Variants in FOCAD observed in about 807,000 individuals in gnomAD.
The protein encoded by FOCAD is KIAA1797.
FOCAD carries 198 observed loss-of-function variants against 225.6 expected under a neutral mutation model. That is an observed-to-expected ratio of 0.88 (90% CI 0.78 to 0.99). FOCAD has a LOEUF of 0.99. Ranked by LOEUF, FOCAD falls within the 50% of genes least tolerant of loss-of-function variation. The pLI is 0.00. For missense variants in FOCAD, 2,713 were observed against 2,123.6 expected (o/e 1.28, Z -5.46); for synonymous variants, 897 against 755.0 (o/e 1.19, Z -3.08).
intron 2 of FOCAD, among the ~76,000 whole-genome samples, chr9:20,671,114 GATATA>G (rs560766322): frequency 6.3e-4 from 95 of 151,996 alleles, no homozygotes; most frequent in Middle Eastern, 3.4e-3. Flanking sequence ...TTATATCATG[GATATA>G]ATATAATATA....
chr9:20,824,303 A>G (rs1174300046), intron 15 of FOCAD, among the ~76,000 whole-genome samples: 1 of 152,074 alleles, frequency 6.6e-6, no homozygotes, highest in African/African-American at 2.4e-5. Flanking sequence ...TGAGAGAAGA[A>G]AGAATTCTAA....
At chr9:20,827,866 G>T (rs568393178) in intron 15 of FOCAD, among the ~76,000 whole-genome samples, 1 of 152,168 alleles carries the variant, frequency 6.6e-6, no homozygotes, top group Admixed American at 6.5e-5. Flanking sequence ...TTTTGTTAAA[G>T]ATTTTTATTA....
At chr9:20,663,318 C>T (rs1821791614) in intron 2 of FOCAD, among the ~76,000 whole-genome samples, 1 of 152,100 alleles carries the variant, frequency 6.6e-6, no homozygotes, top group Non-Finnish European at 1.5e-5. Flanking sequence ...TGATCATGCA[C>T]TGCACTCCAG....
At chr9:20,890,880 A>G (rs1831554079) in intron 21 of FOCAD, among the ~76,000 whole-genome samples, 2 of 151,612 alleles carry the variant, frequency 1.3e-5, no homozygotes, top group Non-Finnish European at 2.9e-5. Flanking sequence ...TAATCTACCT[A>G]TCTGTGTATC....
intron 5 of FOCAD, among the ~76,000 whole-genome samples, chr9:20,751,239 C>A (rs2131739558): frequency 6.7e-6 from 1 of 149,920 alleles, no homozygotes; most frequent in East Asian, 2.0e-4. Context: ...ATACCTGTGC[C>A]ATGCTGGTGC....
Position 20,720,320 on chromosome 9 carries a change from T to G in FOCAD, c.133-60T>G, listed in dbSNP as rs984486050. The G allele has an allele frequency of 2.8e-5, 31 of 1,101,558 alleles. 1 individual carries two copies. The highest frequency in any genetic ancestry group is 6.7e-5 in the South Asian group (4 of 59,834). 68.2% of individuals were successfully genotyped at this position (1,101,558 alleles called of 1,614,324 possible). A position where few individuals can be genotyped will look rare whatever the true frequency, so the allele number is the denominator to read the frequency against. ...TTACTCATTGATGAATGACCAAAGG[T>G]GTGTGTGTGTGTGTTTGCTGCTCAT... is the stretch of plus-strand genomic sequence containing the variant. On this transcript the variant is annotated intron_variant, in intron 3 of 43. Coordinates refer to ENST00000338382, the MANE Select transcript of FOCAD (RefSeq NM_001375567.1).
intron 5 of FOCAD, among the ~76,000 whole-genome samples, chr9:20,745,114 A>ATT (rs35957143): frequency 4.1e-4 from 60 of 146,410 alleles, no homozygotes; most frequent in South Asian, 1.3e-3. Context: ...TTATTTAAAC[A>ATT]TTTTTTTTTT....
intron 25 of FOCAD, among the ~76,000 whole-genome samples, chr9:20,924,741 G>A (rs768485260): frequency 5.3e-5 from 8 of 152,104 alleles, no homozygotes; most frequent in Middle Eastern, 3.2e-3. Context: ...CTAGAAGCCC[G>A]TGGAATTAAA....
intron 15 of FOCAD, among the ~76,000 whole-genome samples, chr9:20,835,904 G>A (rs1825950376): frequency 6.6e-6 from 1 of 152,060 alleles, no homozygotes; most frequent in South Asian, 2.1e-4. Context: ...TAGATAAGGA[G>A]GAGGGGCGGC....
intron 2 of FOCAD, among the ~76,000 whole-genome samples, chr9:20,661,079 C>T (rs1204755420): frequency 4.6e-5 from 7 of 152,100 alleles, no homozygotes; most frequent in Non-Finnish European, 1.0e-4. Context: ...GAATTAAGAG[C>T]ACAGCTGGAG....
At chr9:20,933,746 G>C (rs1835701632) in intron 28 of FOCAD, among the ~76,000 whole-genome samples, 2 of 152,246 alleles carry the variant, frequency 1.3e-5, no homozygotes, top group African/African-American at 4.8e-5. Flanking sequence ...TGGGATTGCT[G>C]GATCAAATGG....
At chr9:20,941,912 GTGGAA>G (rs1365423563) in intron 28 of FOCAD, among the ~76,000 whole-genome samples, 1 of 152,164 alleles carries the variant, frequency 6.6e-6, no homozygotes, top group African/African-American at 2.4e-5. Context: ...AGGTAAATAT[GTGGAA>G]TTGCTGAACT....
intron 28 of FOCAD, among the ~76,000 whole-genome samples, chr9:20,942,887 GGCTCTCT>G (rs1396238163): frequency 6.6e-6 from 1 of 152,212 alleles, no homozygotes; most frequent in African/African-American, 2.4e-5. Context: ...GTATTAAAGA[GGCTCTCT>G]GCTGGGCGAG....
chr9:20,833,615 T>G (rs1825722529), intron 15 of FOCAD, among the ~76,000 whole-genome samples: 1 of 152,068 alleles, frequency 6.6e-6, no homozygotes. Flanking sequence ...GCTTATAGAT[T>G]TACATCATCT....
chr9:20,850,483 T>C (rs1489902466), intron 15 of FOCAD, among the ~76,000 whole-genome samples: 1 of 151,812 alleles, frequency 6.6e-6, no homozygotes, highest in Non-Finnish European at 1.5e-5. Flanking sequence ...TATCTAATTG[T>C]ATAAACTTAG....
At chr9:20,790,275 A>G (rs958469842) in intron 11 of FOCAD, among the ~76,000 whole-genome samples, 1 of 152,196 alleles carries the variant, frequency 6.6e-6, no homozygotes, top group Non-Finnish European at 1.5e-5. Context: ...TCCAATTGAT[A>G]GAATCTCTAG....
intron 35 of FOCAD, among the ~76,000 whole-genome samples, chr9:20,958,304 C>CTAAT (rs1838384558): frequency 6.6e-6 from 1 of 151,918 alleles, no homozygotes; most frequent in African/African-American, 2.4e-5. Context: ...CTTAAGACTG[C>CTAAT]TCTCATTTGC....
At chr9:20,674,118 C>T (rs1287230105) in intron 2 of FOCAD, among the ~76,000 whole-genome samples, 1 of 152,136 alleles carries the variant, frequency 6.6e-6, no homozygotes, top group African/African-American at 2.4e-5. Context: ...TTGCAAACTA[C>T]TTGTTAAACA....
intron 11 of FOCAD, among the ~76,000 whole-genome samples, chr9:20,807,570 A>G (rs778813715): frequency 3.9e-5 from 6 of 152,182 alleles, no homozygotes; most frequent in Admixed American, 6.5e-5. Flanking sequence ...TATGTTATAT[A>G]TATGTATTTG....
Sources: allele counts gnomAD v4.1 joint callset (sites outside exome capture counted in the v4.1 genomes callset), GRCh38; gene constraint gnomAD v4.1.1; transcripts MANE v1.5; gene names NCBI Gene and HGNC (gene_info 2026-07-23, HGNC 2026-07-21).